Variants in THAP11 observed in about 807,000 individuals in gnomAD.
The protein encoded by THAP11 is THAP domain containing 11, also known as THAP domain-containing protein 11.
Under a neutral mutation model 24.1 loss-of-function variants are expected in THAP11, and 8 were observed. The ratio of observed to expected loss-of-function variants is 0.33; its 90% CI spans 0.20 to 0.60. The LOEUF (loss-of-function observed/expected upper bound fraction) is 0.60, where lower values mean the gene tolerates loss of function less well. Ranked by LOEUF, THAP11 falls within the 20% of genes least tolerant of loss-of-function variation. THAP11 has a pLI of 0.82. For synonymous variants in THAP11, 222 were observed against 180.2 expected (o/e 1.23, Z -1.86); for missense variants, 276 against 418.4 (o/e 0.66, Z 2.97).
At position 67,842,845 on chromosome 16, in the gene THAP11, C is replaced by T. The variant is rs761332025; in HGVS notation, c.291C>T (p.Ala97=). ...AAGTAGCGCGCAGACCCGCTGGGGC[C>T]GCGGCCGCCCGCCGCAGGCAGCAGC... is the stretch of plus-strand genomic sequence containing the variant. ...ERKVARRPAG[A]AAARRRQQQQ... The change falls in exon 1 of 1, where the codon GCC becomes GCT. Residue 97 remains alanine, a synonymous_variant. Transcript: ENST00000303596. This position sits in a 1 kb window ranked among gnomAD's most constrained non-coding sequence, Gnocchi z 4.9. 3.7e-6 allele frequency: 6 copies of T among 1,607,350 alleles called. No homozygotes were observed. The highest frequency in any genetic ancestry group is 5.1e-6 in the Non-Finnish European group (6 of 1,178,862).
Position 67,842,551 on chromosome 16 carries a change from A to G in THAP11, c.-4A>G. On this transcript the variant is annotated 5_prime_UTR_variant, in exon 1 of 1. Transcript: ENST00000303596. This position sits in a 1 kb window ranked among gnomAD's most constrained non-coding sequence, Gnocchi z 4.9. ...TGGGCCGGGCCGGGCCGCGCGGCGC[A>G]GCCATGCCTGGCTTTACGTGCTGCG... is the stretch of plus-strand genomic sequence containing the variant. 6.6e-7 allele frequency: 1 copy of G among 1,514,538 alleles called. No individual in the cohort carries two copies. The highest frequency in any genetic ancestry group is 8.9e-7 in the Non-Finnish European group (1 of 1,126,580). The allele number at this position is 1,514,538 out of a possible 1,614,324, so 93.8% of individuals were successfully genotyped here. A position where few individuals can be genotyped will look rare whatever the true frequency, so the allele number is the denominator to read the frequency against.
Position 67,842,984 on chromosome 16 carries a change from C to T in THAP11, c.430C>T (p.Gln144Ter), listed in dbSNP as rs1377755000. 1 of 1,612,340 alleles carries T rather than the reference C, an allele frequency of 6.2e-7. No homozygotes were observed. The highest frequency in any genetic ancestry group is 1.3e-5 in the African/African-American group (1 of 75,038). The change falls in exon 1 of 1, where the codon CAG becomes TAG. Residue 144 changes from glutamine (Q) to a stop codon, truncating the protein, a stop_gained. Transcript: ENST00000303596. LOFTEE classifies it high-confidence loss of function. This position sits in a 1 kb window ranked among gnomAD's most constrained non-coding sequence, Gnocchi z 4.9. ...SPSASTAQTA[Q>*]LQPNLVSASA... ...CTCTGCCTCCACTGCCCAGACTGCC[C>T]AGCTGCAGCCGAACCTGGTATCTGC... is the stretch of plus-strand genomic sequence containing the variant.
At position 67,843,054 on chromosome 16, in the gene THAP11, G is replaced by A. The variant is rs370193398; in HGVS notation, c.500G>A (p.Ser167Asn). ...LLTLQATVDSSQAPGSVQPAP... is the reference protein window; with the variant it reads ...LLTLQATVDSNQAPGSVQPAP... ...ACCCTTCAGGCCACTGTAGACAGCA[G>A]TCAGGCTCCGGGATCCGTACAGCCG... The change falls in exon 1 of 1, where the codon AGT becomes AAT. Residue 167 changes from serine to asparagine, a missense_variant. Transcript: ENST00000303596. This position sits in a 1 kb window ranked among gnomAD's most constrained non-coding sequence, Gnocchi z 5.7. The A allele has an allele frequency of 1.2e-6, 2 of 1,612,208 alleles. No homozygotes were observed. The highest frequency in any genetic ancestry group is 1.1e-5 in the South Asian group (1 of 91,088).
In THAP11 at chr16:67,843,034, T is replaced by G. The variant is rs1194601506; in HGVS notation, c.480T>G (p.Leu160=). ...VSASAAVLLT[L]QATVDSSQAP... is the part of the protein sequence containing the mutation. The stretch of plus-strand genomic sequence containing the variant: ...CTTCCGCGGCCGTGCTTCTCACCCT[T>G]CAGGCCACTGTAGACAGCAGTCAGG... Residue 160 remains leucine (L), a synonymous_variant, in exon 1 of 1, where the codon CTT becomes CTG. Transcript: ENST00000303596. This position sits in a 1 kb window ranked among gnomAD's most constrained non-coding sequence, Gnocchi z 5.7. 6.2e-7 allele frequency: 1 copy of G among 1,612,468 alleles called. No individual in the cohort carries two copies. Among genetic ancestry groups the G allele is most frequent in the Non-Finnish European group, 8.5e-7 (1 of 1,180,028 alleles).
In THAP11 at chr16:67,842,940, AG is replaced by A. The variant is rs760351445; in HGVS notation, c.387del (p.Gln129HisfsTer36). ...QQQQQQQQQQ[Q>X]QQQSSPSAST... ...CAGCAACAGCAGCAGCAGCAGCAGC[AG>A]CAGCAGCAGTCCTCACCCTCTGCCT... On this transcript the variant is annotated frameshift_variant, in exon 1 of 1. Transcript: ENST00000303596. LOFTEE classifies it high-confidence loss of function. The surrounding 1 kb of genome is among the most constrained non-coding windows in gnomAD (Gnocchi z 4.9). The A allele has an allele frequency of 4.3e-6, 7 of 1,610,144 alleles. No homozygotes were observed. In the African/African-American group the frequency reaches 6.7e-5, roughly 15 times the overall value.
rs770050625 is a variant in THAP11 at position 67,843,549 on chromosome 16, G to T, written c.*50G>T. On this transcript the variant is annotated 3_prime_UTR_variant, in exon 1 of 1. Transcript: ENST00000303596. This position sits in a 1 kb window ranked among gnomAD's most constrained non-coding sequence, Gnocchi z 5.7. ...ACTCCCAGACCCCATCCAGCCAGGGGACCGCAGGCCATTGTTGAACTCCTC... is the reference window on the plus strand; with the variant it reads ...ACTCCCAGACCCCATCCAGCCAGGGTACCGCAGGCCATTGTTGAACTCCTC... 2.6e-5 allele frequency: 40 copies of T among 1,561,062 alleles called. No individual in the cohort carries two copies. In the Middle Eastern group the frequency reaches 7.0e-4, roughly 28 times the overall value.
rs908704082 is a variant in THAP11, at chr16:67,842,728, C to T, written c.174C>T (p.His58=). The part of the protein sequence containing the change: ...CFSTFQPTTG[H]RLCSVHFQGG... ...CCACCTTCCAGCCCACCACAGGCCA[C>T]CGTCTCTGCAGCGTTCACTTCCAGG... The change falls in exon 1 of 1, where the codon CAC becomes CAT. Residue 58 remains histidine, a synonymous_variant. Transcript: ENST00000303596. This position sits in a 1 kb window ranked among gnomAD's most constrained non-coding sequence, Gnocchi z 4.9. The T allele has an allele frequency of 1.9e-6, 3 of 1,607,482 alleles. No homozygotes were observed. Among genetic ancestry groups the T allele is most frequent in the African/African-American group, 1.3e-5 (1 of 74,742 alleles).
chr16:67,842,365 G>T lies in THAP11; in HGVS notation c.-190G>T, dbSNP rs2057767570. Reference sequence around the variant, plus strand: ...GGCGGGCAGCCAGGCGGGCGGCGCGGCGCGGGCCGGCAGGAAGCGTATTCT... The same window carrying T: ...GGCGGGCAGCCAGGCGGGCGGCGCGTCGCGGGCCGGCAGGAAGCGTATTCT... On this transcript the variant is annotated 5_prime_UTR_variant, in exon 1 of 1. Coordinates refer to ENST00000303596, the MANE Select transcript of THAP11 (RefSeq NM_020457.3). The surrounding 1 kb of genome is among the most constrained non-coding windows in gnomAD (Gnocchi z 4.9). The T allele has an allele frequency of 4.1e-6, 1 of 242,878 alleles. No homozygotes were observed. The highest frequency in any genetic ancestry group is 7.2e-6 in the Non-Finnish European group (1 of 139,056). 15.0% of individuals were successfully genotyped at this position (242,878 alleles called of 1,614,324 possible).
At position 67,843,099 on chromosome 16, in the gene THAP11, G is replaced by A. The variant is rs1396424337; in HGVS notation, c.545G>A (p.Gly182Glu). The change falls in exon 1 of 1, where the codon GGA (glycine) becomes GAA (glutamate). Residue 182 changes from glycine to glutamate, a missense_variant. Transcript: ENST00000303596. The surrounding 1 kb of genome is among the most constrained non-coding windows in gnomAD (Gnocchi z 5.7). Reference sequence around the variant, plus strand: ...CAGCCGGCGCCCATCACTCCCACTGGAGAAGACGTGAAGCCCATCGATCTC... The same window carrying A: ...CAGCCGGCGCCCATCACTCCCACTGAAGAAGACGTGAAGCCCATCGATCTC... ...SVQPAPITPT[G>E]EDVKPIDLTV... is the part of the protein sequence containing the mutation. 1 of 1,610,928 alleles carries A rather than the reference G, an allele frequency of 6.2e-7. No homozygotes were observed. Among genetic ancestry groups the A allele is most frequent in the Admixed American group, 1.7e-5 (1 of 60,020 alleles).
rs1156774391 is a variant in THAP11 at position 67,843,237 on chromosome 16, A to G, written c.683A>G (p.Gln228Arg). Reference protein sequence around the residue: ...LEAAECPMGPQLVVVGEEGFP... With the variant: ...LEAAECPMGPRLVVVGEEGFP... ...GCTGCCGAGTGCCCTATGGGCCCCCAGTTGGTGGTGGTAGGGGAAGAGGGC... is the reference window on the plus strand; with the variant it reads ...GCTGCCGAGTGCCCTATGGGCCCCCGGTTGGTGGTGGTAGGGGAAGAGGGC... Residue 228 changes from glutamine (Q) to arginine (R), a missense_variant, in exon 1 of 1, where the codon CAG becomes CGG. Physicochemically the swap from Gln to Arg is conservative, Grantham distance 43. Coordinates refer to ENST00000303596, the MANE Select transcript of THAP11 (RefSeq NM_020457.3). This position sits in a 1 kb window ranked among gnomAD's most constrained non-coding sequence, Gnocchi z 5.7. The G allele has an allele frequency of 1.2e-6, 2 of 1,611,880 alleles. No homozygotes were observed. The highest frequency in any genetic ancestry group is 1.1e-5 in the South Asian group (1 of 91,066).
chr16:67,843,492 G>T lies in THAP11; in HGVS notation c.938G>T (p.Gly313Val). The T allele has an allele frequency of 6.2e-7, 1 of 1,607,746 alleles. No homozygotes were observed. Among genetic ancestry groups the T allele is most frequent in the South Asian group, 1.1e-5 (1 of 90,070 alleles). Residue 313 changes from glycine (G) to valine (V), a missense_variant, in exon 1 of 1, where the codon GGA becomes GTA. Around this residue, in one of 3 missense-constraint regions of THAP11, gnomAD observed 38 missense variants for 95.9 expected, o/e 0.40. Coordinates refer to ENST00000303596, the MANE Select transcript of THAP11 (RefSeq NM_020457.3). This position sits in a 1 kb window ranked among gnomAD's most constrained non-coding sequence, Gnocchi z 5.7. ...ATGGCTGTCATCCGCAAGAAGCACG[G>T]AATGTGAACTGGTGCCCCGGCAGCC... ...LAMAVIRKKH[G>V]M
At position 67,843,443 on chromosome 16, in the gene THAP11, C is replaced by T; in HGVS notation, c.889C>T (p.Arg297Cys). 4 of 1,613,978 alleles carry T rather than the reference C, an allele frequency of 2.5e-6. No homozygotes were observed. The highest frequency in any genetic ancestry group is 3.4e-6 in the Non-Finnish European group (4 of 1,179,956). The stretch of plus-strand genomic sequence containing the variant: ...TGAGGCCAAGCTGCGCGAAGAACTG[C>T]GTGAGAAGGATCGGCTGCTTGCCAT... The part of the protein sequence containing the change: ...LTEAKLREEL[R>C]EKDRLLAMAV... Residue 297 changes from arginine (R) to cysteine (C), a missense_variant, in exon 1 of 1, where the codon CGT becomes TGT. Arg to Cys is a radical substitution (Grantham distance 180). Coordinates refer to ENST00000303596, the MANE Select transcript of THAP11 (RefSeq NM_020457.3). The surrounding 1 kb of genome is among the most constrained non-coding windows in gnomAD (Gnocchi z 5.7).
rs1567374415 is a variant in THAP11 at position 67,842,916 on chromosome 16, AGCAACAGCAG to A, written c.363_372del (p.Gln121HisfsTer41). 1 of 1,569,182 alleles carries A rather than the reference AGCAACAGCAG, an allele frequency of 6.4e-7. No homozygotes were observed. The highest frequency in any genetic ancestry group is 8.6e-7 in the Non-Finnish European group (1 of 1,159,204). On this transcript the variant is annotated frameshift_variant, in exon 1 of 1. Transcript: ENST00000303596. LOFTEE classifies it high-confidence loss of function. The surrounding 1 kb of genome is among the most constrained non-coding windows in gnomAD (Gnocchi z 4.9). Reference sequence around the variant, plus strand: ...CAACAGCAGCAACAGCAGCAGCAGCAGCAACAGCAGCAGCAGCAGCAGCAGCAGCAGCAGT... The same window carrying A: ...CAACAGCAGCAACAGCAGCAGCAGCACAGCAGCAGCAGCAGCAGCAGCAGT...
In THAP11 at chr16:67,842,923, G is replaced by A. The variant is rs3982383; in HGVS notation, c.369G>A (p.Gln123=). ...QQQQQQQQQQ[Q]QQQQQQQQQS... is the part of the protein sequence containing the mutation. ...AGCAACAGCAGCAGCAGCAGCAACAGCAGCAGCAGCAGCAGCAGCAGCAGC... is the reference window on the plus strand; with the variant it reads ...AGCAACAGCAGCAGCAGCAGCAACAACAGCAGCAGCAGCAGCAGCAGCAGC... Residue 123 remains glutamine (Q), a synonymous_variant, in exon 1 of 1, where the codon CAG becomes CAA. Coordinates refer to ENST00000303596, the MANE Select transcript of THAP11 (RefSeq NM_020457.3). This position sits in a 1 kb window ranked among gnomAD's most constrained non-coding sequence, Gnocchi z 4.9. The A allele has an allele frequency of 3.5e-4, 247 of 705,538 alleles. 1 individual carries two copies. The Middle Eastern group carries it at 0.018, about 51-fold the overall frequency. The allele number at this position is 705,538 out of a possible 1,614,324, so 43.7% of individuals were successfully genotyped here. A position where few individuals can be genotyped will look rare whatever the true frequency, so the allele number is the denominator to read the frequency against.
In THAP11 at chr16:67,843,022, G is replaced by T; in HGVS notation, c.468G>T (p.Val156=). 1 of 1,612,560 alleles carries T rather than the reference G, an allele frequency of 6.2e-7. No homozygotes were observed. The highest frequency in any genetic ancestry group is 8.5e-7 in the Non-Finnish European group (1 of 1,180,030). The part of the protein sequence containing the change: ...QPNLVSASAA[V]LLTLQATVDS... Reference sequence around the variant, plus strand: ...ACCTGGTATCTGCTTCCGCGGCCGTGCTTCTCACCCTTCAGGCCACTGTAG... The same window carrying T: ...ACCTGGTATCTGCTTCCGCGGCCGTTCTTCTCACCCTTCAGGCCACTGTAG... The change falls in exon 1 of 1, where the codon GTG becomes GTT. Residue 156 remains valine (V), a synonymous_variant. Coordinates refer to ENST00000303596, the MANE Select transcript of THAP11 (RefSeq NM_020457.3). This position sits in a 1 kb window ranked among gnomAD's most constrained non-coding sequence, Gnocchi z 5.7.
Position 67,842,871 on chromosome 16 carries a change from A to C in THAP11, c.317A>C (p.Gln106Pro). The C allele has an allele frequency of 1.2e-6, 2 of 1,604,582 alleles. No individual in the cohort carries two copies. The highest frequency in any genetic ancestry group is 1.7e-6 in the Non-Finnish European group (2 of 1,175,620). The change falls in exon 1 of 1, where the codon CAG becomes CCG. Residue 106 changes from glutamine (Q) to proline (P), a missense_variant. Around this residue, in one of 3 missense-constraint regions of THAP11, gnomAD observed 210 missense variants for 203.4 expected, o/e 1.03. Transcript: ENST00000303596. The surrounding 1 kb of genome is among the most constrained non-coding windows in gnomAD (Gnocchi z 4.9). ...GAAAARRRQQ[Q>P]QQQQQQQQQQ... ...GCGGCCGCCCGCCGCAGGCAGCAGCAGCAACAGCAGCAGCAGCAGCAACAG... is the reference window on the plus strand; with the variant it reads ...GCGGCCGCCCGCCGCAGGCAGCAGCCGCAACAGCAGCAGCAGCAGCAACAG...
rs1567374750 is a variant in THAP11 at position 67,843,169 on chromosome 16, GGCC to G, written c.621_623del (p.Ala208del). The G allele has an allele frequency of 6.2e-7, 1 of 1,609,924 alleles. No individual in the cohort carries two copies. Among genetic ancestry groups the G allele is most frequent in the South Asian group, 1.1e-5 (1 of 91,060 alleles). On this transcript the variant is annotated inframe_deletion, in exon 1 of 1. Coordinates refer to ENST00000303596, the MANE Select transcript of THAP11 (RefSeq NM_020457.3). This position sits in a 1 kb window ranked among gnomAD's most constrained non-coding sequence, Gnocchi z 5.7. ...CAGCCGCAGAGGGCGCAGCCGCTGCGGCCGCCGCGTCGGAGTTACAGGCTGCTA... is the reference window on the plus strand; with the variant it reads ...CAGCCGCAGAGGGCGCAGCCGCTGCGGCCGCGTCGGAGTTACAGGCTGCTA...
At position 67,844,123 on chromosome 16, in the gene THAP11, G is replaced by C. The variant is rs2057782472; in HGVS notation, c.*624G>C. 1 of 166,832 alleles carries C rather than the reference G, an allele frequency of 6.0e-6. No individual in the cohort carries two copies. The highest frequency in any genetic ancestry group is 1.5e-5 in the Non-Finnish European group (1 of 68,102). The allele number at this position is 166,832 out of a possible 1,614,324, so 10.3% of individuals were successfully genotyped here. A position where few individuals can be genotyped will look rare whatever the true frequency, so the allele number is the denominator to read the frequency against. ...CTACTGGTTACAAATTCTATTTTCTGTACAATTAGTCAGACTAAAGTTTTC... is the reference window on the plus strand; with the variant it reads ...CTACTGGTTACAAATTCTATTTTCTCTACAATTAGTCAGACTAAAGTTTTC... On this transcript the variant is annotated 3_prime_UTR_variant, in exon 1 of 1. Transcript: ENST00000303596.
Position 67,842,842 on chromosome 16 carries a change from G to C in THAP11, c.288G>C (p.Gly96=), listed in dbSNP as rs2057771315. 2.5e-6 allele frequency: 4 copies of C among 1,607,232 alleles called. No homozygotes were observed. Among genetic ancestry groups the C allele is most frequent in the African/African-American group, 1.3e-5 (1 of 74,844 alleles). ...GCAAAGTAGCGCGCAGACCCGCTGGGGCCGCGGCCGCCCGCCGCAGGCAGC... is the reference window on the plus strand; with the variant it reads ...GCAAAGTAGCGCGCAGACCCGCTGGCGCCGCGGCCGCCCGCCGCAGGCAGC... ...NERKVARRPA[G]AAAARRRQQQ... is the part of the protein sequence containing the mutation. The change falls in exon 1 of 1, where the codon GGG becomes GGC. Residue 96 remains glycine, a synonymous_variant. Coordinates refer to ENST00000303596, the MANE Select transcript of THAP11 (RefSeq NM_020457.3). The surrounding 1 kb of genome is among the most constrained non-coding windows in gnomAD (Gnocchi z 4.9).
Sources: allele counts gnomAD v4.1 joint callset, GRCh38; gene constraint gnomAD v4.1.1; regional missense constraint gnomAD v4.1.1; non-coding constraint Gnocchi (gnomAD v3.1); transcripts MANE v1.5; gene names NCBI Gene and HGNC (gene_info 2026-07-23, HGNC 2026-07-21).